The following KPNA3 variants were observed in gnomAD, a reference collection of about 807,000 sequenced individuals.
The protein encoded by KPNA3 is karyopherin subunit alpha 3.
A neutral mutation model predicts 73.8 loss-of-function variants in KPNA3; 13 were observed. The observed-to-expected ratio is 0.18, with a 90% CI of 0.11 to 0.28. KPNA3 has a LOEUF of 0.28. Ranked by LOEUF, KPNA3 falls within the 10% of genes least tolerant of loss-of-function variation. The probability of loss-of-function intolerance (pLI) is 1.00; values close to 1 mark genes in which losing one functional copy is unlikely to be tolerated. For synonymous variants in KPNA3, 186 were observed against 206.9 expected (o/e 0.90, Z 0.87); for missense variants, 360 against 618.1 (o/e 0.58, Z 4.43).
intron 6 of KPNA3, among the ~76,000 whole-genome samples, 189 bp from the exon 7 acceptor site, chr13:49,725,690 C>T (rs7317048): frequency 0.029 from 4,330 of 151,180 alleles, 207 homozygotes; most frequent in African/African-American, 0.098. Flanking sequence ...ATCACCCAGG[C>T]GGGAGTGCAG....
intron 1 of KPNA3, among the ~76,000 whole-genome samples, chr13:49,750,366 T>C (rs1165352353): frequency 6.6e-6 from 1 of 152,228 alleles, no homozygotes; most frequent in Non-Finnish European, 1.5e-5. Context: ...AAGGAAAAGT[T>C]AGCAGACTAG....
intron 1 of KPNA3, among the ~76,000 whole-genome samples, chr13:49,788,162 G>C (rs1955000544): frequency 6.6e-6 from 1 of 152,140 alleles, no homozygotes; most frequent in African/African-American, 2.4e-5. Context: ...TCTATATAAA[G>C]TACTTAGCAC....
At chr13:49,721,005 G>C (rs916102714) in intron 9 of KPNA3, among the ~76,000 whole-genome samples, 1 of 151,980 alleles carries the variant, frequency 6.6e-6, no homozygotes, top group Admixed American at 6.6e-5. Context: ...GATCACTTCA[G>C]GTCAGGAGTT....
chr13:49,790,333 G>A (rs1195411182), intron 1 of KPNA3, among the ~76,000 whole-genome samples: 1 of 152,166 alleles, frequency 6.6e-6, no homozygotes, highest in Admixed American at 6.5e-5. Flanking sequence ...CAGGTGTGGT[G>A]GTGTCCGCCT....
chr13:49,792,508 G>C lies in KPNA3; in HGVS notation c.-2C>G. 1 of 1,568,748 alleles carries C rather than the reference G, an allele frequency of 6.4e-7. No homozygotes were observed. The highest frequency in any genetic ancestry group is 8.6e-7 in the Non-Finnish European group (1 of 1,156,434). ...CTCCAAGCTGGGGTTCTCGGCCATGGCTGCGCGCGGCTCCGGCGGCGGCTA... is the reference window on the plus strand; with the variant it reads ...CTCCAAGCTGGGGTTCTCGGCCATGCCTGCGCGCGGCTCCGGCGGCGGCTA... On this transcript the variant is annotated 5_prime_UTR_variant, in exon 1 of 17. Transcript: ENST00000261667.
At chr13:49,703,321 C>T (rs1449851172) in intron 15 of KPNA3, among the ~76,000 whole-genome samples, 2 of 151,242 alleles carry the variant, frequency 1.3e-5, no homozygotes, top group East Asian at 1.9e-4. Flanking sequence ...GCTGGGATTA[C>T]AGGTGCCCAC....
intron 10 of KPNA3, among the ~76,000 whole-genome samples, 193 bp from the exon 11 acceptor site, chr13:49,711,215 C>T (rs1954257019): frequency 1.3e-5 from 2 of 152,216 alleles, no homozygotes; most frequent in African/African-American, 4.8e-5. Flanking sequence ...TACCTCAGAT[C>T]ATTCTTCACA....
At chr13:49,708,801 T>C (rs1954232065) in intron 12 of KPNA3, among the ~76,000 whole-genome samples, 1 of 152,204 alleles carries the variant, frequency 6.6e-6, no homozygotes, top group African/African-American at 2.4e-5. Context: ...AGTAAGTACA[T>C]ATTACACAAT....
chr13:49,777,667 A>ATTTTTT (rs146787105), intron 1 of KPNA3, among the ~76,000 whole-genome samples: 4 of 141,356 alleles, frequency 2.8e-5, no homozygotes, highest in Non-Finnish European at 6.1e-5. Flanking sequence ...CACCCAGATG[A>ATTTTTT]TTTTTTTTTT....
At chr13:49,784,785 G>C (rs906456676) in intron 1 of KPNA3, among the ~76,000 whole-genome samples, 2 of 152,136 alleles carry the variant, frequency 1.3e-5, no homozygotes, top group Non-Finnish European at 2.9e-5. Flanking sequence ...TTTATTCAAG[G>C]AATATTTTAG....
Position 49,722,560 on chromosome 13 carries a change from G to C in KPNA3, c.473C>G (p.Ala158Gly). The change falls in exon 8 of 17, where the codon GCA becomes GGA. Residue 158 changes from alanine (A) to glycine (G), a missense_variant. Physicochemically the swap from Ala to Gly is moderately conservative, Grantham distance 60. Transcript: ENST00000261667. ...AQTQAVVQSNAVPLFLRLLRS... is the reference protein window; with the variant it reads ...AQTQAVVQSNGVPLFLRLLRS... ...AAGAAGTCTCAGAAAAAGAGGTACTGCATCTGTAATAAAGAAAAACTAATA... is the reference window on the plus strand; with the variant it reads ...AAGAAGTCTCAGAAAAAGAGGTACTCCATCTGTAATAAAGAAAAACTAATA... 1.3e-6 allele frequency: 2 copies of C among 1,597,168 alleles called. No individual in the cohort carries two copies. Among genetic ancestry groups the C allele is most frequent in the Non-Finnish European group, 1.7e-6 (2 of 1,168,272 alleles).
intron 1 of KPNA3, among the ~76,000 whole-genome samples, chr13:49,789,915 A>G (rs1955018522): frequency 1.3e-5 from 2 of 152,248 alleles, no homozygotes; most frequent in Non-Finnish European, 2.9e-5. Context: ...GAAATCAACC[A>G]GAGTATCTTC....
chr13:49,756,110 A>C (rs1954708993), intron 1 of KPNA3, among the ~76,000 whole-genome samples: 1 of 152,176 alleles, frequency 6.6e-6, no homozygotes, highest in African/African-American at 2.4e-5. Context: ...TCTACAAAAA[A>C]AAGCAAAAAA....
intron 6 of KPNA3, among the ~76,000 whole-genome samples, chr13:49,726,740 C>T (rs922745580): frequency 6.6e-6 from 1 of 151,182 alleles, no homozygotes. Flanking sequence ...CCAAAAAGTT[C>T]GAAACCAGCC....
At chr13:49,725,644 T>A in intron 6 of KPNA3, 143 bp from the exon 7 acceptor site, 8 of 460,916 alleles carry the variant, frequency 1.7e-5, no homozygotes, top group East Asian at 7.6e-5. Context: ...TAGCCAACCC[T>A]ACTTTTTTTT....
intron 15 of KPNA3, among the ~76,000 whole-genome samples, chr13:49,703,481 A>G (rs1011299828): frequency 2.6e-5 from 4 of 152,020 alleles, no homozygotes; most frequent in Non-Finnish European, 5.9e-5. Context: ...CACCCGGCCA[A>G]TCTTATTAAT....
intron 15 of KPNA3, among the ~76,000 whole-genome samples, chr13:49,703,183 C>CTTTTTT (rs35282756): frequency 1.0e-3 from 112 of 109,172 alleles, no homozygotes; most frequent in Non-Finnish European, 1.4e-3. Context: ...TTCTTTCTTT[C>CTTTTTT]TTTTTTTTTT....
At chr13:49,771,879 T>A (rs1954859089) in intron 1 of KPNA3, among the ~76,000 whole-genome samples, 1 of 152,106 alleles carries the variant, frequency 6.6e-6, no homozygotes, top group East Asian at 1.9e-4. Flanking sequence ...TGGTCTTGAA[T>A]TCCTGGGCTC....
intron 2 of KPNA3, among the ~76,000 whole-genome samples, chr13:49,743,734 A>C (rs1477187837): frequency 1.3e-5 from 2 of 152,160 alleles, no homozygotes; most frequent in East Asian, 3.8e-4. Context: ...ATAAATTAGT[A>C]GCTTAGATTT....
Sources: gnomAD v4.1 joint callset for allele counts (sites outside exome capture counted in the v4.1 genomes callset) on GRCh38, gnomAD v4.1.1 for gene constraint, MANE v1.5 for transcripts, NCBI Gene and HGNC (gene_info 2026-07-23, HGNC 2026-07-21) for gene names.